Variants in LRCH1 observed in about 807,000 individuals in gnomAD.
LRCH1 encodes leucine-rich repeat and calponin homology domain-containing protein 1.
Under a neutral mutation model 94.9 loss-of-function variants are expected in LRCH1, and 23 were observed. The ratio of observed to expected loss-of-function variants is 0.24; its 90% confidence interval spans 0.17 to 0.34. The LOEUF (loss-of-function observed/expected upper bound fraction) is 0.34, where lower values mean the gene tolerates loss of function less well. Ranked by LOEUF, LRCH1 falls within the 10% of genes least tolerant of loss-of-function variation. The probability of loss-of-function intolerance (pLI) is 1.00; values close to 1 mark genes in which losing one functional copy is unlikely to be tolerated. For missense variants in LRCH1, 790 were observed against 945.9 expected, an observed-to-expected ratio of 0.84 and a Z score of 2.16; for synonymous variants, 364 against 354.9, an observed-to-expected ratio of 1.03 and a Z score of -0.29.
At chr13:46,561,001 A>ATAGAAGG (rs2050124260) in intron 1 of LRCH1, among the ~76,000 whole-genome samples, 1 of 152,224 alleles carries the variant, frequency 6.6e-6, no homozygotes, top group Non-Finnish European at 1.5e-5. Context: ...CAGCCATGCA[A>ATAGAAGG]TAGAAGGGAA....
Position 46,553,632 on chromosome 13 carries a change from G to C in LRCH1, c.236G>C (p.Ser79Thr), listed in dbSNP as rs745764677. The change falls in exon 1 of 20, where the codon AGC (serine) becomes ACC (threonine). Residue 79 changes from serine (S) to threonine (T), a missense_variant. Coordinates refer to ENST00000389797, the MANE Select transcript of LRCH1 (RefSeq NM_001164211.2). Reference sequence around the variant, plus strand: ...GCCAACTCCGGGGGGCTGAACCTGAGCGCCAGGAAATTGAAGGAATTTCCC... The same window carrying C: ...GCCAACTCCGGGGGGCTGAACCTGACCGCCAGGAAATTGAAGGAATTTCCC... ...EAANSGGLNL[S>T]ARKLKEFPRT... 1 of 1,597,262 alleles carries C rather than the reference G, an allele frequency of 6.3e-7. No homozygotes were observed. Among genetic ancestry groups the C allele is most frequent in the Non-Finnish European group, 8.5e-7 (1 of 1,172,782 alleles).
At chr13:46,641,927 G>A (rs748561898) in intron 1 of LRCH1, among the ~76,000 whole-genome samples, 11 of 152,138 alleles carry the variant, frequency 7.2e-5, no homozygotes, top group Non-Finnish European at 1.2e-4. Flanking sequence ...CTGGCTGCTC[G>A]GCTTTCATGT....
Position 46,743,990 on chromosome 13 carries a change from GT to G in LRCH1, c.*2148del, listed in dbSNP as rs1200617852. On this transcript the variant is annotated 3_prime_UTR_variant, in exon 20 of 20. Coordinates refer to ENST00000389797, the MANE Select transcript of LRCH1 (RefSeq NM_001164211.2). ...CACTTCTTGGGATTTATTGGATGATGTTTTTTCATTAGTAGTATGGTAACTA... is the reference window on the plus strand; with the variant it reads ...CACTTCTTGGGATTTATTGGATGATGTTTTTCATTAGTAGTATGGTAACTA... 3.0e-6 allele frequency: 3 copies of G among 985,340 alleles called. No individual in the cohort carries two copies. The highest frequency in any genetic ancestry group is 3.6e-6 in the Non-Finnish European group (3 of 829,890). 61.0% of individuals were successfully genotyped at this position (985,340 alleles called of 1,614,324 possible).
intron 2 of LRCH1, among the ~76,000 whole-genome samples, chr13:46,653,678 A>G (rs2051335228): frequency 6.6e-6 from 1 of 152,000 alleles, no homozygotes; most frequent in Non-Finnish European, 1.5e-5. Context: ...AAAAAATACA[A>G]AAAGTAGCCG....
At chr13:46,598,322 C>T (rs1003730990) in intron 1 of LRCH1, among the ~76,000 whole-genome samples, 2 of 151,356 alleles carry the variant, frequency 1.3e-5, no homozygotes, top group Non-Finnish European at 2.9e-5. Context: ...TTTGTCTGGC[C>T]CTCTTGCAGC....
At chr13:46,625,643 T>G (rs1175346924) in intron 1 of LRCH1, among the ~76,000 whole-genome samples, 1 of 150,404 alleles carries the variant, frequency 6.6e-6, no homozygotes, top group East Asian at 1.9e-4. Context: ...TTTTTTTTTT[T>G]TTTTTTTTTT....
intron 13 of LRCH1, among the ~76,000 whole-genome samples, chr13:46,708,862 A>G (rs1871911572): frequency 6.6e-6 from 1 of 152,310 alleles, no homozygotes; most frequent in Non-Finnish European, 1.5e-5. Context: ...TTCTCATTGC[A>G]TAGCACAAAC....
Position 46,679,163 on chromosome 13 carries a change from G to A in LRCH1, c.580-2578G>A, listed in dbSNP as rs1003807770. On this transcript the variant is annotated intron_variant, in intron 3 of 19. Coordinates refer to ENST00000389797, the MANE Select transcript of LRCH1 (RefSeq NM_001164211.2). ...ATAATTCCTTCTAATTCTTCCCCAC[G>A]AGCACGCCCATTTCTCCTGCCAACA... Among the ~76,000 whole-genome samples, 7 of 152,072 alleles carry A rather than the reference G, an allele frequency of 4.6e-5. No homozygotes were observed. In the East Asian group the frequency reaches 7.7e-4, roughly 17 times the overall value.
chr13:46,610,742 G>A (rs2050739262), intron 1 of LRCH1, among the ~76,000 whole-genome samples: 1 of 152,044 alleles, frequency 6.6e-6, no homozygotes, highest in African/African-American at 2.4e-5. Context: ...TGACTGATAG[G>A]CATTTGTGCT....
At chr13:46,618,425 A>T (rs181364667) in intron 1 of LRCH1, among the ~76,000 whole-genome samples, 1 of 152,352 alleles carries the variant, frequency 6.6e-6, no homozygotes, top group East Asian at 1.9e-4. Context: ...TGTGTGGGGC[A>T]TAACTGTATA....
intron 16 of LRCH1, 71 bp downstream of exon 16, chr13:46,715,735 T>G: frequency 2.2e-6 from 2 of 912,938 alleles, no homozygotes; most frequent in Non-Finnish European, 3.5e-6. Flanking sequence ...CATTCATCTC[T>G]GTGCAGCTGA....
At chr13:46,729,097 G>A in intron 18 of LRCH1, 113 bp downstream of exon 18, 1 of 1,037,316 alleles carries the variant, frequency 9.6e-7, no homozygotes, top group Non-Finnish European at 1.3e-6. Context: ...CTTTTCCATT[G>A]GGCCCCAAAC....
At chr13:46,628,320 A>G (rs1397292451) in intron 1 of LRCH1, among the ~76,000 whole-genome samples, 1 of 152,286 alleles carries the variant, frequency 6.6e-6, no homozygotes, top group East Asian at 1.9e-4. Flanking sequence ...TCATGCAAAG[A>G]GAATCATGCA....
chr13:46,690,687 AG>A (rs1382638784), intron 7 of LRCH1, among the ~76,000 whole-genome samples: 8 of 152,370 alleles, frequency 5.3e-5, no homozygotes, highest in South Asian at 4.1e-4. Context: ...TATATTCAAC[AG>A]AATGAAATGC....
intron 1 of LRCH1, among the ~76,000 whole-genome samples, chr13:46,556,483 A>C (rs1317820848): frequency 6.6e-6 from 1 of 152,148 alleles, no homozygotes; most frequent in African/African-American, 2.4e-5. Flanking sequence ...GGAAAGAAAG[A>C]CTGATCCACG....
At chr13:46,704,397 A>G (rs1309501369) in intron 11 of LRCH1, among the ~76,000 whole-genome samples, 1 of 152,134 alleles carries the variant, frequency 6.6e-6, no homozygotes, top group South Asian at 2.1e-4. Context: ...TTAGTTGGCT[A>G]TTGCTGTTCT....
chr13:46,699,554 T>TC (rs1491411699), intron 10 of LRCH1, 151 bp downstream of exon 10: 3 of 688,660 alleles, frequency 4.4e-6, no homozygotes, highest in Non-Finnish European at 7.7e-6. Flanking sequence ...TGCCAGTTTT[T>TC]CTCTGTCTGA....
chr13:46,724,020 ACT>A (rs1289275456), intron 17 of LRCH1, among the ~76,000 whole-genome samples: 1 of 151,922 alleles, frequency 6.6e-6, no homozygotes, highest in Non-Finnish European at 1.5e-5. Flanking sequence ...ACAAAGTCTC[ACT>A]CTGTCACCCA....
At chr13:46,580,880 A>C (rs964147545) in intron 1 of LRCH1, among the ~76,000 whole-genome samples, 2 of 152,250 alleles carry the variant, frequency 1.3e-5, no homozygotes, top group Admixed American at 6.5e-5. Flanking sequence ...AGTTCTAGGA[A>C]AAGGGGCTTA....
Sources: allele counts gnomAD v4.1 joint callset (sites outside exome capture counted in the v4.1 genomes callset), GRCh38; gene constraint gnomAD v4.1.1; transcripts MANE v1.5; gene names NCBI Gene and HGNC (gene_info 2026-07-23, HGNC 2026-07-21).